Variants in KCNC2 observed in about 807,000 individuals in gnomAD.
KCNC2 encodes the protein potassium voltage-gated channel subfamily C member 2.
Under a neutral mutation model 44.5 loss-of-function variants are expected in KCNC2, and 21 were observed. The ratio of observed to expected loss-of-function variants is 0.47; its 90% confidence interval spans 0.33 to 0.68. The LOEUF is 0.68. KCNC2 is among the 30% of genes least tolerant of loss of function. The pLI, the probability that KCNC2 is intolerant of heterozygous loss-of-function variation, is 0.01. For missense variants in KCNC2, 589 were observed against 826.2 expected (o/e 0.71, Z 3.52); for synonymous variants, 391 against 339.1 (o/e 1.15, Z -1.68).
At position 75,207,992 on chromosome 12, in the gene KCNC2, C is replaced by T; in HGVS notation, c.-9G>A. ...TTCTCGATCTTGCCCATCTCTGTGA[C>T]TCAGACATGACTAGGGGGAGGCAAA... On this transcript the variant is annotated 5_prime_UTR_variant, in exon 2 of 5. Transcript: ENST00000549446. This position sits in a 1 kb window ranked among gnomAD's most constrained non-coding sequence, Gnocchi z 4.1. The T allele has an allele frequency of 6.2e-7, 1 of 1,611,910 alleles. No homozygotes were observed. The highest frequency in any genetic ancestry group is 1.1e-5 in the South Asian group (1 of 90,912).
chr12:75,098,138 C>T (rs951221805), intron 2 of KCNC2, among the ~76,000 whole-genome samples: 3 of 152,052 alleles, frequency 2.0e-5, no homozygotes, highest in Admixed American at 6.6e-5. Flanking sequence ...ATGCTGTTCT[C>T]GGCTAGATAA....
intron 2 of KCNC2, among the ~76,000 whole-genome samples, chr12:75,191,836 A>G (rs1219505546): frequency 1.3e-5 from 2 of 151,980 alleles, no homozygotes; most frequent in Non-Finnish European, 2.9e-5. Context: ...GGCGTGAGCC[A>G]CCGCGCCCGG....
intron 2 of KCNC2, among the ~76,000 whole-genome samples, chr12:75,189,702 C>T (rs2030007061): frequency 6.6e-6 from 1 of 152,182 alleles, no homozygotes; most frequent in South Asian, 2.1e-4. Context: ...ATCTTTCATT[C>T]CCTACACCGC....
intron 2 of KCNC2, among the ~76,000 whole-genome samples, chr12:75,160,066 A>G (rs1475694035): frequency 6.6e-6 from 1 of 151,894 alleles, no homozygotes; most frequent in Admixed American, 6.6e-5. Flanking sequence ...CATTTGTTGA[A>G]GGCCTAACCC....
intron 2 of KCNC2, among the ~76,000 whole-genome samples, chr12:75,141,012 T>C (rs1430497762): frequency 6.6e-6 from 1 of 152,208 alleles, no homozygotes; most frequent in African/African-American, 2.4e-5. Context: ...ACTTCTGCTA[T>C]TCATGCTAAA....
chr12:75,082,518 C>T (rs1009483763), intron 2 of KCNC2, among the ~76,000 whole-genome samples: 1 of 71,474 alleles, frequency 1.4e-5, no homozygotes, highest in East Asian at 3.7e-4. Flanking sequence ...AAGTCACCCA[C>T]GAGATTTTTT....
At chr12:75,203,584 G>A (rs1593092853) in intron 2 of KCNC2, among the ~76,000 whole-genome samples, 1 of 151,726 alleles carries the variant, frequency 6.6e-6, no homozygotes, top group South Asian at 2.1e-4. Context: ...TCTTAAGTGG[G>A]GTTCCATGGC....
At chr12:75,138,332 A>G (rs1167951269) in intron 2 of KCNC2, among the ~76,000 whole-genome samples, 1 of 152,176 alleles carries the variant, frequency 6.6e-6, no homozygotes, top group African/African-American at 2.4e-5. Context: ...CTTTTTATAC[A>G]TATATGTTAA....
chr12:75,086,681 A>AATATATATATATATATATAT (rs398044519), intron 2 of KCNC2, among the ~76,000 whole-genome samples: 49 of 54,136 alleles, frequency 9.1e-4, no homozygotes, highest in Middle Eastern at 0.01. Context: ...AAAAAAAAAA[A>AATATATATATATATATATAT]ATATATATAT....
chr12:75,186,408 T>C (rs1002617960), intron 2 of KCNC2, among the ~76,000 whole-genome samples: 1 of 152,192 alleles, frequency 6.6e-6, no homozygotes, highest in Admixed American at 6.5e-5. Context: ...GATTTTAGAA[T>C]ATGCATTTTT....
intron 2 of KCNC2, among the ~76,000 whole-genome samples, chr12:75,170,773 T>A (rs1162182573): frequency 6.6e-6 from 1 of 151,740 alleles, no homozygotes; most frequent in Non-Finnish European, 1.5e-5. Context: ...TTTGAACTTC[T>A]CCACGTTTCA....
intron 2 of KCNC2, among the ~76,000 whole-genome samples, chr12:75,198,218 C>T (rs1055025531): frequency 1.3e-5 from 2 of 151,706 alleles, no homozygotes; most frequent in African/African-American, 2.4e-5. Context: ...ACATTATGTG[C>T]CTGGGAATTA....
At chr12:75,120,797 C>T (rs914371851) in intron 2 of KCNC2, among the ~76,000 whole-genome samples, 3 of 152,168 alleles carry the variant, frequency 2.0e-5, no homozygotes, top group Admixed American at 2.0e-4. Flanking sequence ...TGCAGAGGGC[C>T]TTGAGATTGT....
intron 2 of KCNC2, among the ~76,000 whole-genome samples, chr12:75,169,727 A>C (rs1180369839): frequency 6.6e-6 from 1 of 151,490 alleles, no homozygotes; most frequent in African/African-American, 2.4e-5. Flanking sequence ...AATTTGACAA[A>C]TAAAGGGGGA....
chr12:75,208,601 G>T (rs1239331656), intron 1 of KCNC2, among the ~76,000 whole-genome samples: 1 of 142,506 alleles, frequency 7.0e-6, no homozygotes, highest in Non-Finnish European at 1.5e-5. Context: ...GAAGAGCCCG[G>T]ATTCCACACC....
At chr12:75,047,732 A>G (rs11180345) in intron 4 of KCNC2, among the ~76,000 whole-genome samples, 4,122 of 152,202 alleles carry the variant, frequency 0.027, 199 homozygotes, top group African/African-American at 0.094. Context: ...TTTGAGAAAA[A>G]AAAACTTATA....
intron 2 of KCNC2, among the ~76,000 whole-genome samples, chr12:75,095,726 AC>A (rs1224281775): frequency 6.6e-6 from 1 of 151,912 alleles, no homozygotes; most frequent in African/African-American, 2.4e-5. Flanking sequence ...GCCACCTAAT[AC>A]GCAGGAAAAC....
At chr12:75,063,101 TA>T (rs1882501062) in intron 2 of KCNC2, among the ~76,000 whole-genome samples, 1 of 152,108 alleles carries the variant, frequency 6.6e-6, no homozygotes. Flanking sequence ...GAGCCAGAAT[TA>T]TATATAGGCT....
At chr12:75,161,842 T>C (rs1891145024) in intron 2 of KCNC2, among the ~76,000 whole-genome samples, 1 of 151,722 alleles carries the variant, frequency 6.6e-6, no homozygotes, top group Non-Finnish European at 1.5e-5. Flanking sequence ...GACATTAAAC[T>C]ATGACAAAAA....
Sources: allele counts gnomAD v4.1 joint callset (sites outside exome capture counted in the v4.1 genomes callset), GRCh38; gene constraint gnomAD v4.1.1; non-coding constraint Gnocchi (gnomAD v3.1); transcripts MANE v1.5; gene names NCBI Gene and HGNC (gene_info 2026-07-23, HGNC 2026-07-21).